Variants in TRIP11 observed in about 807,000 individuals in gnomAD.
TRIP11 encodes the protein thyroid receptor-interacting protein 11.
A neutral mutation model predicts 223.1 loss-of-function variants in TRIP11; 148 were observed. The observed-to-expected ratio is 0.66, with a 90% confidence interval of 0.58 to 0.76. TRIP11 has a LOEUF of 0.76. Ranked by LOEUF, TRIP11 falls within the 30% of genes least tolerant of loss-of-function variation. The pLI is 0.00. For missense variants in TRIP11, 2,043 were observed against 2,222.0 expected (o/e 0.92, Z 1.62); for synonymous variants, 762 against 772.6 (o/e 0.99, Z 0.23).
chr14:91,989,647 T>G (rs180721187), intron 15 of TRIP11, among the ~76,000 whole-genome samples: 1 of 152,006 alleles, frequency 6.6e-6, no homozygotes, highest in Admixed American at 6.6e-5. Flanking sequence ...GCCTTTTTAC[T>G]GTGTCATCCT....
chr14:91,984,101 A>T (rs1054665643), intron 16 of TRIP11, among the ~76,000 whole-genome samples: 7 of 145,490 alleles, frequency 4.8e-5, no homozygotes, highest in African/African-American at 1.6e-4. Context: ...CAACCTTCTT[A>T]AAAAAAAAAT....
intron 9 of TRIP11, among the ~76,000 whole-genome samples, chr14:92,009,156 T>C (rs888326251): frequency 6.6e-6 from 1 of 152,224 alleles, no homozygotes; most frequent in African/African-American, 2.4e-5. Flanking sequence ...TTTAGGTAGA[T>C]CTTAAAAGCA....
At position 91,999,948 on chromosome 14, in the gene TRIP11, CT is replaced by C; in HGVS notation, c.4698+19del. On this transcript the variant is annotated intron_variant, in intron 12 of 20. Transcript: ENST00000267622. ...TAAACTTATTGTTTGATTCATAATTCTTTTAAAGTGAAAGTATACCTCATTC... is the reference window on the plus strand; with the variant it reads ...TAAACTTATTGTTTGATTCATAATTCTTTAAAGTGAAAGTATACCTCATTC... 6.2e-7 allele frequency: 1 copy of C among 1,613,550 alleles called. No individual in the cohort carries two copies.
At chr14:91,993,258 C>T (rs2056702495) in intron 15 of TRIP11, among the ~76,000 whole-genome samples, 1 of 151,836 alleles carries the variant, frequency 6.6e-6, no homozygotes, top group South Asian at 2.1e-4. Flanking sequence ...GGGCAGATCA[C>T]CTGAGGTCAG....
chr14:92,018,731 G>A (rs202080273), intron 4 of TRIP11, among the ~76,000 whole-genome samples: 1 of 151,878 alleles, frequency 6.6e-6, no homozygotes. Context: ...AGGCAAGGCC[G>A]CTGGATCACA....
intron 16 of TRIP11, among the ~76,000 whole-genome samples, chr14:91,981,590 A>T (rs1299219148): frequency 6.8e-6 from 1 of 147,402 alleles, no homozygotes; most frequent in African/African-American, 2.5e-5. Flanking sequence ...ACAGGCTTTC[A>T]CCATGTTGGC....
chr14:92,010,226 G>C (rs2056954266), intron 9 of TRIP11, among the ~76,000 whole-genome samples: 1 of 150,776 alleles, frequency 6.6e-6, no homozygotes. Context: ...CTGTTGCTCT[G>C]TACCCCTATA....
chr14:92,033,303 TAATA>T (rs1251250606), intron 1 of TRIP11, 50 bp from the exon 2 acceptor site: 5 of 1,369,188 alleles, frequency 3.7e-6, no homozygotes, highest in African/African-American at 1.4e-5. Context: ...CCATATGAAG[TAATA>T]AATAGGTATT....
chr14:92,001,953 C>A (rs74073658), intron 11 of TRIP11, among the ~76,000 whole-genome samples: 17 of 152,284 alleles, frequency 1.1e-4, no homozygotes, highest in Admixed American at 5.2e-4. Flanking sequence ...GAAGTTTTCA[C>A]AACTTTAATC....
At chr14:92,024,255 G>A (rs969077761) in intron 3 of TRIP11, among the ~76,000 whole-genome samples, 5 of 151,922 alleles carry the variant, frequency 3.3e-5, no homozygotes, top group Middle Eastern at 3.4e-3. Flanking sequence ...GTGCATGCCT[G>A]TAATCCCAGC....
chr14:92,008,294 A>G (rs970595612), intron 9 of TRIP11, among the ~76,000 whole-genome samples: 1 of 152,212 alleles, frequency 6.6e-6, no homozygotes, highest in Non-Finnish European at 1.5e-5. Flanking sequence ...GCCTCAGACT[A>G]AATAAAAATA....
chr14:92,015,164 A>G (rs1358345244), intron 6 of TRIP11, among the ~76,000 whole-genome samples: 1 of 152,126 alleles, frequency 6.6e-6, no homozygotes, highest in African/African-American at 2.4e-5. Flanking sequence ...TTGGCCTCCC[A>G]AAATGCTGGG....
intron 2 of TRIP11, among the ~76,000 whole-genome samples, chr14:92,028,969 T>C (rs1566874336): frequency 6.6e-6 from 1 of 152,206 alleles, no homozygotes; most frequent in Admixed American, 6.5e-5. Flanking sequence ...CTGAGGGGTC[T>C]ACCAACAAAG....
chr14:92,005,478 T>C lies in TRIP11; in HGVS notation c.2498A>G (p.Lys833Arg). 4 of 1,614,118 alleles carry C rather than the reference T, an allele frequency of 2.5e-6. No homozygotes were observed. The highest frequency in any genetic ancestry group is 2.5e-6 in the Non-Finnish European group (3 of 1,180,024). Reference protein sequence around the residue: ...RSSKLQEELDKYSQALRKNEI... With the variant: ...RSSKLQEELDRYSQALRKNEI... Reference sequence around the variant, plus strand: ...ATTTTTTCTTAAGGCCTGAGAATATTTATCCAATTCCTCCTGCAGCTTTGA... The same window carrying C: ...ATTTTTTCTTAAGGCCTGAGAATATCTATCCAATTCCTCCTGCAGCTTTGA... The change falls in exon 11 of 21, where the codon AAA becomes AGA. Residue 833 changes from lysine (K) to arginine (R), a missense_variant. Lys to Arg is a conservative substitution (Grantham distance 26, BLOSUM62 2). Transcript: ENST00000267622.
chr14:92,022,479 G>A (rs939143768), intron 3 of TRIP11, among the ~76,000 whole-genome samples: 20 of 152,244 alleles, frequency 1.3e-4, no homozygotes, highest in Admixed American at 5.2e-4. Flanking sequence ...AGAGGAGCCA[G>A]CGAAAATCTG....
chr14:92,024,789 A>G (rs898608139), intron 3 of TRIP11, among the ~76,000 whole-genome samples: 15 of 152,238 alleles, frequency 9.9e-5, no homozygotes, highest in African/African-American at 3.4e-4. Flanking sequence ...ACACATGAGG[A>G]CACAGACTGT....
rs2056804372 is a variant in TRIP11, at chr14:92,000,119, G to T, written c.4558-11C>A. 1 of 1,613,474 alleles carries T rather than the reference G, an allele frequency of 6.2e-7. No individual in the cohort carries two copies. The highest frequency in any genetic ancestry group is 1.7e-5 in the Admixed American group (1 of 59,980). On this transcript the variant is annotated splice_polypyrimidine_tract_variant and intron_variant, in intron 11 of 20. Coordinates refer to ENST00000267622, the MANE Select transcript of TRIP11 (RefSeq NM_004239.4). The stretch of plus-strand genomic sequence containing the variant: ...CTCTCCAGTCTTGCCCTTTTGGAAA[G>T]AAAAAATTTTAGCTTTAAAAAACAC...
intron 17 of TRIP11, among the ~76,000 whole-genome samples, chr14:91,975,575 G>A (rs961950114): frequency 2.6e-5 from 4 of 152,086 alleles, no homozygotes; most frequent in Non-Finnish European, 5.9e-5. Context: ...CGCCTCCTTA[G>A]TAATTCCAAG....
intron 6 of TRIP11, 23 bp from the exon 7 acceptor site, chr14:92,014,600 T>C (rs759593073): frequency 6.3e-7 from 1 of 1,594,750 alleles, no homozygotes; most frequent in South Asian, 1.1e-5. Flanking sequence ...CACAAAACAA[T>C]GACATCAAAT....
Sources: gnomAD v4.1 joint callset for allele counts (sites outside exome capture counted in the v4.1 genomes callset) on GRCh38, gnomAD v4.1.1 for gene constraint, MANE v1.5 for transcripts, NCBI Gene and HGNC (gene_info 2026-07-23, HGNC 2026-07-21) for gene names.